The following NR3C2 variants were observed in gnomAD, a reference collection of about 807,000 sequenced individuals.
NR3C2 encodes the protein nuclear receptor subfamily 3 group C member 2.
NR3C2 carries 15 observed loss-of-function variants against 86.4 expected under a neutral mutation model. The ratio of observed to expected loss-of-function variants is 0.17; its 90% CI spans 0.12 to 0.27. NR3C2 has a LOEUF of 0.27. NR3C2 is among the 10% of genes least tolerant of loss of function. NR3C2 has a pLI of 1.00. For synonymous variants in NR3C2, 458 were observed against 450.5 expected (o/e 1.02, Z -0.21); for missense variants, 960 against 1,195.6 (o/e 0.80, Z 2.91).
intron 3 of NR3C2, among the ~76,000 whole-genome samples, chr4:148,215,873 G>A (rs1426362291): frequency 6.7e-6 from 1 of 148,168 alleles, no homozygotes; most frequent in Non-Finnish European, 1.5e-5. Context: ...CCTGCCTCCT[G>A]GGTTCAACCA....
chr4:148,220,905 A>T (rs1399062239), intron 3 of NR3C2, among the ~76,000 whole-genome samples: 1 of 152,240 alleles, frequency 6.6e-6, no homozygotes, highest in Non-Finnish European at 1.5e-5. Context: ...GCAACACACA[A>T]GGTTTTTAAC....
chr4:148,235,295 A>G (rs1052506217), intron 3 of NR3C2, among the ~76,000 whole-genome samples: 3 of 132,008 alleles, frequency 2.3e-5, no homozygotes, highest in African/African-American at 2.5e-5. Context: ...TAAGATTCCT[A>G]TCTCTTACAG....
intron 6 of NR3C2, among the ~76,000 whole-genome samples, chr4:148,150,094 A>C (rs1285042015): frequency 1.3e-5 from 2 of 152,254 alleles, no homozygotes; most frequent in Non-Finnish European, 2.9e-5. Flanking sequence ...TTATATACCC[A>C]TATTCAGTGC....
chr4:148,144,940 G>A (rs1733795238), intron 6 of NR3C2, among the ~76,000 whole-genome samples: 1 of 152,202 alleles, frequency 6.6e-6, no homozygotes, highest in Admixed American at 6.5e-5. Flanking sequence ...CAGTGGTAGT[G>A]TTATAGTAGG....
intron 2 of NR3C2, among the ~76,000 whole-genome samples, chr4:148,278,930 A>G (rs1175920371): frequency 6.6e-6 from 1 of 152,092 alleles, no homozygotes; most frequent in African/African-American, 2.4e-5. Context: ...TGGGAGGCTG[A>G]GACGGGTAGA....
chr4:148,403,078 T>G (rs903599238), intron 2 of NR3C2, among the ~76,000 whole-genome samples: 2 of 152,020 alleles, frequency 1.3e-5, no homozygotes, highest in Non-Finnish European at 2.9e-5. Context: ...AAACACAGAT[T>G]CTATAAGGCA....
At chr4:148,120,555 T>C (rs1173902893) in intron 6 of NR3C2, among the ~76,000 whole-genome samples, 1 of 152,224 alleles carries the variant, frequency 6.6e-6, no homozygotes, top group African/African-American at 2.4e-5. Flanking sequence ...TATGCCATGA[T>C]TTCATTTTAT....
chr4:148,322,518 A>G lies in NR3C2; in HGVS notation c.1758-62401T>C, dbSNP rs908031262. On this transcript the variant is annotated intron_variant, in intron 2 of 8. Coordinates refer to ENST00000358102, the MANE Select transcript of NR3C2 (RefSeq NM_000901.5). ...CTCCCCATCACTTTCAGGTACACCA[A>G]TCAGACGTAGATTTGGTCTTTTCAC... is the stretch of plus-strand genomic sequence containing the variant. Among the ~76,000 whole-genome samples the G allele has an allele frequency of 7.6e-5, 7 of 92,560 alleles. 1 individual carries two copies. The highest frequency in any genetic ancestry group is 1.2e-4 in the Non-Finnish European group (6 of 49,818). The allele number at this position is 92,560 out of a possible 152,430, so 60.7% of individuals were successfully genotyped here.
chr4:148,151,914 T>C (rs77797452), intron 6 of NR3C2, among the ~76,000 whole-genome samples: 2 of 152,220 alleles, frequency 1.3e-5, no homozygotes, highest in African/African-American at 2.4e-5. Flanking sequence ...AAAAACTGAT[T>C]ACGATTCTTT....
At chr4:148,266,578 T>A (rs1480098248) in intron 2 of NR3C2, among the ~76,000 whole-genome samples, 1 of 152,172 alleles carries the variant, frequency 6.6e-6, no homozygotes, top group South Asian at 2.1e-4. Context: ...AAGAAGATGG[T>A]GGGGCTGGAT....
chr4:148,136,056 C>CAAAA lies in NR3C2; in HGVS notation c.2511-15772_2511-15769dup, dbSNP rs199716496. Among the ~76,000 whole-genome samples, 232 of 71,098 alleles carry CAAAA rather than the reference C, an allele frequency of 3.3e-3. 3 individuals are homozygous for CAAAA. The highest frequency in any genetic ancestry group is 4.3e-3 in the Non-Finnish European group (159 of 37,398). 46.6% of individuals were successfully genotyped at this position (71,098 alleles called of 152,430 possible). On this transcript the variant is annotated intron_variant, in intron 6 of 8. Transcript: ENST00000358102. The stretch of plus-strand genomic sequence containing the variant: ...TGGGCGACAGAGCGAGACTCCGTCT[C>CAAAA]AAAAAAAAAAAAAAAAAAAACAAAA...
intron 2 of NR3C2, among the ~76,000 whole-genome samples, chr4:148,339,368 G>A (rs1744641472): frequency 6.6e-6 from 1 of 152,080 alleles, no homozygotes; most frequent in Admixed American, 6.6e-5. Context: ...AGGATGAGTA[G>A]GCAACTCTAA....
intron 6 of NR3C2, among the ~76,000 whole-genome samples, chr4:148,151,419 C>T (rs1279675960): frequency 6.6e-6 from 1 of 152,158 alleles, no homozygotes; most frequent in Non-Finnish European, 1.5e-5. Context: ...TTACTTCATG[C>T]TTTTGGTGAA....
intron 2 of NR3C2, among the ~76,000 whole-genome samples, chr4:148,409,912 G>A: frequency 6.6e-6 from 1 of 151,906 alleles, no homozygotes; most frequent in East Asian, 1.9e-4. Flanking sequence ...ACACATAATT[G>A]AAAATTGGAT....
intron 4 of NR3C2, among the ~76,000 whole-genome samples, chr4:148,189,964 T>C (rs1190297512): frequency 6.6e-6 from 1 of 152,216 alleles, no homozygotes; most frequent in Non-Finnish European, 1.5e-5. Context: ...GGTCTATCAA[T>C]TTTATTTATC....
intron 2 of NR3C2, among the ~76,000 whole-genome samples, chr4:148,379,367 G>T (rs1056916873): frequency 2.6e-5 from 4 of 152,074 alleles, no homozygotes; most frequent in African/African-American, 9.7e-5. Context: ...GAGAGGAAAG[G>T]ATTCAAACCA....
At chr4:148,134,913 T>C (rs1733228334) in intron 6 of NR3C2, among the ~76,000 whole-genome samples, 2 of 151,924 alleles carry the variant, frequency 1.3e-5, no homozygotes, top group African/African-American at 4.8e-5. Flanking sequence ...CCACCTCGGC[T>C]TCCCAAAGTG....
chr4:148,413,570 C>A (rs1317314745), intron 2 of NR3C2, among the ~76,000 whole-genome samples: 1 of 151,854 alleles, frequency 6.6e-6, no homozygotes, highest in Non-Finnish European at 1.5e-5. Context: ...ACTGGGAGAG[C>A]ATATTTTCAA....
At chr4:148,156,118 T>G (rs1350099961) in intron 4 of NR3C2, among the ~76,000 whole-genome samples, 51 of 152,060 alleles carry the variant, frequency 3.4e-4, no homozygotes, top group Middle Eastern at 6.8e-3. Context: ...AATTCAAGAT[T>G]GATTAAAGAC....
Sources: gnomAD v4.1 joint callset for allele counts (sites outside exome capture counted in the v4.1 genomes callset) on GRCh38, gnomAD v4.1.1 for gene constraint, MANE v1.5 for transcripts, NCBI Gene and HGNC (gene_info 2026-07-23, HGNC 2026-07-21) for gene names.